Variants in GRXCR2 observed in about 807,000 individuals in gnomAD.
The protein encoded by GRXCR2 is glutaredoxin and cysteine rich domain containing 2.
GRXCR2 carries 23 observed loss-of-function variants against 24.8 expected under a neutral mutation model. The observed-to-expected ratio is 0.93, with a 90% CI of 0.67 to 1.32. GRXCR2 has a LOEUF of 1.32. GRXCR2 is among the 40% of genes most tolerant of loss of function. The pLI is 0.00. For synonymous variants in GRXCR2, 130 were observed against 116.1 expected, an observed-to-expected ratio of 1.12 and a Z score of -0.77; for missense variants, 315 against 303.4, an observed-to-expected ratio of 1.04 and a Z score of -0.28.
At chr5:145,885,329 G>T (rs991687429) in intron 2 of GRXCR2, among the ~76,000 whole-genome samples, 1 of 152,110 alleles carries the variant, frequency 6.6e-6, no homozygotes, top group Non-Finnish European at 1.5e-5. Context: ...CTAGGGCAAC[G>T]TTTCAAGAGA....
intron 2 of GRXCR2, among the ~76,000 whole-genome samples, chr5:145,926,125 G>A (rs749476270): frequency 1.3e-5 from 2 of 152,098 alleles, no homozygotes; most frequent in African/African-American, 2.4e-5. Flanking sequence ...TGAAAGAAAG[G>A]GAGAAAGACA....
At chr5:145,894,425 A>G (rs1756917935) in intron 2 of GRXCR2, among the ~76,000 whole-genome samples, 1 of 152,188 alleles carries the variant, frequency 6.6e-6, no homozygotes, top group Non-Finnish European at 1.5e-5. Flanking sequence ...AATCAAATAG[A>G]CGCAATGAAA....
At chr5:145,918,396 CA>C (rs1346287149) in intron 2 of GRXCR2, among the ~76,000 whole-genome samples, 1 of 152,128 alleles carries the variant, frequency 6.6e-6, no homozygotes. Context: ...TCAGCAAAGC[CA>C]GCCAAAGATC....
At chr5:145,903,932 AG>A (rs1757058292) in intron 2 of GRXCR2, among the ~76,000 whole-genome samples, 4 of 152,224 alleles carry the variant, frequency 2.6e-5, no homozygotes, top group Admixed American at 2.6e-4. Context: ...CACACCAAGC[AG>A]GGTGTTACAT....
In GRXCR2 at chr5:145,866,719, T is replaced by A. The variant is rs1455794298; in HGVS notation, c.346A>T (p.Ile116Phe). ...ATGATTATCTTTCCAAAATCTATAA[T>A]AGGTAGGGGCTAGAGAAATGGAGAA... ...YKANDHKPLPIIDFGKIIIYT... is the reference protein window; with the variant it reads ...YKANDHKPLPFIDFGKIIIYT... The change falls in exon 2 of 3, where the codon ATT (isoleucine) becomes TTT (phenylalanine). Residue 116 changes from isoleucine to phenylalanine, a missense_variant. Transcript: ENST00000377976. 1 of 1,599,914 alleles carries A rather than the reference T, an allele frequency of 6.3e-7. No individual in the cohort carries two copies. The highest frequency in any genetic ancestry group is 8.6e-7 in the Non-Finnish European group (1 of 1,167,406).
chr5:145,904,363 C>G (rs1382258384), intron 2 of GRXCR2, among the ~76,000 whole-genome samples: 1 of 152,092 alleles, frequency 6.6e-6, no homozygotes. Context: ...GGATCTTGCC[C>G]CTGGAAATGG....
Position 145,859,419 on chromosome 5 carries a change from T to G in GRXCR2, c.*314A>C. On this transcript the variant is annotated 3_prime_UTR_variant, in exon 3 of 3. Transcript: ENST00000377976. ...CCCAACCTGATGCCTGAAGTGTACA[T>G]GTATTTGCTCACTGAAGCAAGAAGA... is the stretch of plus-strand genomic sequence containing the variant. The G allele has an allele frequency of 8.3e-6, 3 of 363,222 alleles. No homozygotes were observed. The highest frequency in any genetic ancestry group is 5.6e-5 in the East Asian group (1 of 17,720). 22.5% of individuals were successfully genotyped at this position (363,222 alleles called of 1,614,324 possible). A position where few individuals can be genotyped will look rare whatever the true frequency, so the allele number is the denominator to read the frequency against.
chr5:145,882,712 C>T (rs1191135803), intron 2 of GRXCR2, among the ~76,000 whole-genome samples: 4 of 152,140 alleles, frequency 2.6e-5, no homozygotes, highest in Non-Finnish European at 5.9e-5. Context: ...GCTGTAAAGA[C>T]ACATGCACAC....
intron 2 of GRXCR2, among the ~76,000 whole-genome samples, chr5:145,913,137 C>T (rs1053123358): frequency 7.9e-5 from 12 of 152,212 alleles, no homozygotes; most frequent in African/African-American, 2.7e-4. Flanking sequence ...TTAACATCTA[C>T]ATGGTACATT....
intron 1 of GRXCR2, among the ~76,000 whole-genome samples, chr5:145,871,655 C>T (rs920440347): frequency 2.0e-5 from 3 of 152,142 alleles, no homozygotes; most frequent in East Asian, 3.8e-4. Context: ...TAATTGTGAA[C>T]ATGCCCATAA....
chr5:145,923,109 G>A (rs577187294), intron 2 of GRXCR2, among the ~76,000 whole-genome samples: 1 of 152,306 alleles, frequency 6.6e-6, no homozygotes, highest in Admixed American at 6.5e-5. Flanking sequence ...GAAGTACTTG[G>A]GGAAACACAG....
chr5:145,862,567 T>C (rs1489261757), intron 2 of GRXCR2, among the ~76,000 whole-genome samples: 2 of 152,204 alleles, frequency 1.3e-5, no homozygotes, highest in African/African-American at 4.8e-5. Flanking sequence ...TAGAACATAG[T>C]TGCACAGCAT....
At chr5:145,907,058 A>G (rs1248981731) in intron 2 of GRXCR2, among the ~76,000 whole-genome samples, 1 of 152,216 alleles carries the variant, frequency 6.6e-6, no homozygotes, top group African/African-American at 2.4e-5. Flanking sequence ...TGGAGCAGCA[A>G]GGAGGCCGGG....
chr5:145,925,193 C>G (rs897449150), intron 2 of GRXCR2, among the ~76,000 whole-genome samples: 2 of 152,162 alleles, frequency 1.3e-5, no homozygotes, highest in Admixed American at 6.6e-5. Flanking sequence ...AGGTCACACT[C>G]TTATTTAATA....
intron 2 of GRXCR2, among the ~76,000 whole-genome samples, chr5:145,926,531 T>C (rs1757396380): frequency 6.6e-6 from 1 of 152,280 alleles, no homozygotes; most frequent in African/African-American, 2.4e-5. Flanking sequence ...AAAGATCAGA[T>C]GGTTTTAGAA....
chr5:145,889,228 G>C (rs981284279), intron 2 of GRXCR2, among the ~76,000 whole-genome samples: 1 of 150,446 alleles, frequency 6.6e-6, no homozygotes, highest in Admixed American at 6.6e-5. Flanking sequence ...AAGAAAGAAA[G>C]AAAGAAAGAA....
At chr5:145,914,612 G>T (rs551908737) in intron 2 of GRXCR2, among the ~76,000 whole-genome samples, 2 of 140,580 alleles carry the variant, frequency 1.4e-5, no homozygotes, top group Admixed American at 7.9e-5. Context: ...GGAGGTGAAG[G>T]TTGCAGTGAG....
At chr5:145,891,110 C>G (rs1378699090) in intron 2 of GRXCR2, among the ~76,000 whole-genome samples, 3 of 152,186 alleles carry the variant, frequency 2.0e-5, no homozygotes, top group Non-Finnish European at 2.9e-5. Flanking sequence ...CACCCAGATT[C>G]ATAAAACAAG....
At chr5:145,873,263 G>A (rs1187364385), upstream of GRXCR2, among the ~76,000 whole-genome samples, 1 of 152,180 alleles carries the variant, frequency 6.6e-6, no homozygotes, top group Non-Finnish European at 1.5e-5. Flanking sequence ...TTAACCTGAG[G>A]ATGAAGAAGT....
Sources: gnomAD v4.1 joint callset for allele counts (sites outside exome capture counted in the v4.1 genomes callset) on GRCh38, gnomAD v4.1.1 for gene constraint, MANE v1.5 for transcripts, NCBI Gene and HGNC (gene_info 2026-07-23, HGNC 2026-07-21) for gene names.